Variants in STYXL2 observed in about 807,000 individuals in gnomAD.
STYXL2 encodes the protein serine/threonine/tyrosine-interacting-like protein 2.
Under a neutral mutation model 52.4 loss-of-function variants are expected in STYXL2, and 44 were observed. That is an observed-to-expected ratio of 0.84 (90% CI 0.66 to 1.08). The LOEUF (loss-of-function observed/expected upper bound fraction) is 1.08. Among genes scored for constraint, STYXL2 ranks in the 50% least tolerant of loss-of-function variants. STYXL2 has a pLI of 0.00. For synonymous variants in STYXL2, 604 were observed against 586.9 expected, an observed-to-expected ratio of 1.03 and a Z score of -0.42; for missense variants, 1,604 against 1,471.7, an observed-to-expected ratio of 1.09 and a Z score of -1.47.
intron 1 of STYXL2, among the ~76,000 whole-genome samples, chr1:167,094,630 C>G (rs1466573081): frequency 6.6e-6 from 1 of 152,090 alleles, no homozygotes; most frequent in Non-Finnish European, 1.5e-5. Flanking sequence ...TCAAGGTGGG[C>G]TCCTAATATG....
At chr1:167,117,298 T>G (rs973440420) in intron 3 of STYXL2, 30 bp from the exon 4 acceptor site, 4 of 1,563,376 alleles carry the variant, frequency 2.6e-6, no homozygotes, top group Non-Finnish European at 3.5e-6. Flanking sequence ...TTCCTAACTC[T>G]CTGATGAGAA....
intron 5 of STYXL2, among the ~76,000 whole-genome samples, chr1:167,123,759 A>C (rs1445470432): frequency 1.3e-5 from 2 of 151,850 alleles, no homozygotes; most frequent in Non-Finnish European, 2.9e-5. Flanking sequence ...GAATAGCTGG[A>C]ATTACAGGTG....
At position 167,127,896 on chromosome 1, in the gene STYXL2, C is replaced by T. The variant is rs1357634602; in HGVS notation, c.2765C>T (p.Ala922Val). 3.7e-6 allele frequency: 6 copies of T among 1,613,950 alleles called. No homozygotes were observed. The highest frequency in any genetic ancestry group is 4.2e-6 in the Non-Finnish European group (5 of 1,180,026). Residue 922 changes from alanine (A) to valine (V), a missense_variant, in exon 6 of 6, where the codon GCA becomes GTA. Ala to Val is a moderately conservative substitution (Grantham distance 64, BLOSUM62 0). Transcript: ENST00000361200. The stretch of plus-strand genomic sequence containing the variant: ...TCCCTGGCTGTCTGTGATCACTATG[C>T]AAGTGGCAGCAGAGTTGGCAAAGAG... Reference protein sequence around the residue: ...CSSLAVCDHYASGSRVGKEMD... With the variant: ...CSSLAVCDHYVSGSRVGKEMD...
chr1:167,098,977 T>C (rs181680898), intron 2 of STYXL2, among the ~76,000 whole-genome samples: 3 of 152,262 alleles, frequency 2.0e-5, no homozygotes, highest in East Asian at 1.9e-4. Context: ...ATAAACTTCA[T>C]CACTCCATCA....
In STYXL2 at chr1:167,115,731, T is replaced by C. The variant is rs918474849; in HGVS notation, c.206-1597T>C. Among the ~76,000 whole-genome samples the C allele has an allele frequency of 4.6e-5, 7 of 152,136 alleles. No individual in the cohort carries two copies. In the East Asian group the frequency reaches 1.3e-3, roughly 29 times the overall value. On this transcript the variant is annotated intron_variant, in intron 3 of 5. Transcript: ENST00000361200. ...TGGGTAGTGGAGAAAATAGGAACAC[T>C]TCATCTATTTTTAAACAAAATAGAG...
chr1:167,126,642 CGGCA>C lies in STYXL2; in HGVS notation c.1513_1516del (p.Ala505ThrfsTer71). ...CACGCCAAGAGCAAGAGAGAGGAGG[CGGCA>C]GACAGGAGCTCAGAAGCAGGGAGCA... On this transcript the variant is annotated frameshift_variant, in exon 6 of 6. Coordinates refer to ENST00000361200, the MANE Select transcript of STYXL2 (RefSeq NM_001080426.3). LOFTEE classifies it low-confidence loss of function (END_TRUNC). The C allele has an allele frequency of 6.2e-7, 1 of 1,613,968 alleles. No individual in the cohort carries two copies. Among genetic ancestry groups the C allele is most frequent in the Admixed American group, 1.7e-5 (1 of 60,012 alleles).
intron 2 of STYXL2, among the ~76,000 whole-genome samples, chr1:167,101,918 T>A (rs1197676711): frequency 6.6e-6 from 1 of 151,886 alleles, no homozygotes; most frequent in Non-Finnish European, 1.5e-5. Flanking sequence ...GACGAGTGAA[T>A]GGATAAACAC....
Position 167,127,643 on chromosome 1 carries a change from C to T in STYXL2, c.2512C>T (p.Arg838Trp), listed in dbSNP as rs532909371. ...CAATGTGGACCTAAAGGAACTTGGC[C>T]GGAAGGAGAAGGAGATGCAGATGGA... Reference protein sequence around the residue: ...ADNVDLKELGRKEKEMQMELR... With the variant: ...ADNVDLKELGWKEKEMQMELR... The change falls in exon 6 of 6, where the codon CGG (arginine) becomes TGG (tryptophan). Residue 838 changes from arginine (R) to tryptophan (W), a missense_variant. Transcript: ENST00000361200. 12 of 1,613,920 alleles carry T rather than the reference C, an allele frequency of 7.4e-6. No homozygotes were observed. Among genetic ancestry groups the T allele is most frequent in the East Asian group, 4.5e-5 (2 of 44,878 alleles).
In STYXL2 at chr1:167,128,307, G is replaced by A. The variant is rs376876805; in HGVS notation, c.3176G>A (p.Arg1059His). The change falls in exon 6 of 6, where the codon CGC becomes CAC. Residue 1059 changes from arginine (R) to histidine (H), a missense_variant. Physicochemically the swap from Arg to His is conservative, Grantham distance 29. Coordinates refer to ENST00000361200, the MANE Select transcript of STYXL2 (RefSeq NM_001080426.3). ...AGGGAAGAGTCCCCAGAACCACAGC[G>A]CCCAAATTGGGCCAGGTCCAGGGAC... is the stretch of plus-strand genomic sequence containing the variant. ...SEREESPEPQ[R>H]PNWARSRDWE... 1.5e-5 allele frequency: 25 copies of A among 1,613,852 alleles called. No homozygotes were observed. Among genetic ancestry groups the A allele is most frequent in the East Asian group, 6.7e-5 (3 of 44,874 alleles).
intron 2 of STYXL2, among the ~76,000 whole-genome samples, chr1:167,111,297 T>G (rs1236998355): frequency 6.6e-6 from 1 of 151,390 alleles, no homozygotes; most frequent in East Asian, 1.9e-4. Context: ...TAAAAGTAGA[T>G]CTACCATTTG....
chr1:167,126,832 C>T lies in STYXL2; in HGVS notation c.1701C>T (p.Ser567=), dbSNP rs372727539. 3 of 1,614,170 alleles carry T rather than the reference C, an allele frequency of 1.9e-6. No homozygotes were observed. The highest frequency in any genetic ancestry group is 1.3e-5 in the African/African-American group (1 of 75,050). ...HKKDLGAGDS[S]GEPGAEEAVG... The stretch of plus-strand genomic sequence containing the variant: ...AAGACTTGGGAGCGGGAGACAGCAG[C>T]GGTGAGCCCGGTGCAGAGGAGGCAG... Residue 567 remains serine (S), a synonymous_variant, in exon 6 of 6, where the codon AGC becomes AGT. Coordinates refer to ENST00000361200, the MANE Select transcript of STYXL2 (RefSeq NM_001080426.3).
At position 167,128,148 on chromosome 1, in the gene STYXL2, G is replaced by T. The variant is rs777598843; in HGVS notation, c.3017G>T (p.Arg1006Leu). The T allele has an allele frequency of 9.3e-6, 15 of 1,614,162 alleles. No homozygotes were observed. In the South Asian group the frequency reaches 1.6e-4, roughly 18 times the overall value. The change falls in exon 6 of 6, where the codon CGG (arginine) becomes CTG (leucine). Residue 1006 changes from arginine (R) to leucine (L), a missense_variant. Transcript: ENST00000361200. ...ANGNSVRSTSRFSSSSTREGR... is the reference protein window; with the variant it reads ...ANGNSVRSTSLFSSSSTREGR... ...GGCAACTCTGTAAGAAGCACTTCAC[G>T]GTTCTCATCTTCCTCCACCAGGGAG...
chr1:167,125,400 G>C (rs1243484589), intron 5 of STYXL2, among the ~76,000 whole-genome samples: 1 of 152,182 alleles, frequency 6.6e-6, no homozygotes, highest in African/African-American at 2.4e-5. Flanking sequence ...TCAAGTTTAG[G>C]ATGTGACTTA....
At chr1:167,106,473 G>A (rs1479910746) in intron 2 of STYXL2, among the ~76,000 whole-genome samples, 2 of 152,162 alleles carry the variant, frequency 1.3e-5, no homozygotes, top group Non-Finnish European at 2.9e-5. Context: ...ACATGGATCT[G>A]TTTGGTTTGG....
rs570132255 is a variant in STYXL2 at position 167,128,803 on chromosome 1, A to G, written c.*195A>G. 2 of 838,234 alleles carry G rather than the reference A, an allele frequency of 2.4e-6. No homozygotes were observed. The highest frequency in any genetic ancestry group is 2.8e-5 in the East Asian group (1 of 35,722). The allele number at this position is 838,234 out of a possible 1,614,324, so 51.9% of individuals were successfully genotyped here. On this transcript the variant is annotated 3_prime_UTR_variant, in exon 6 of 6. Coordinates refer to ENST00000361200, the MANE Select transcript of STYXL2 (RefSeq NM_001080426.3). ...GAGGCAAGGAGGGGGAGAACCATCA[A>G]TACGAATACGAGGTCCGAATGCGGA...
Position 167,126,473 on chromosome 1 carries a change from A to G in STYXL2, c.1342A>G (p.Ile448Val). 6.2e-7 allele frequency: 1 copy of G among 1,602,012 alleles called. No homozygotes were observed. Among genetic ancestry groups the G allele is most frequent in the Non-Finnish European group, 8.5e-7 (1 of 1,174,478 alleles). Reference protein sequence around the residue: ...SAWESVSSHDIWVLKQQLELN... With the variant: ...SAWESVSSHDVWVLKQQLELN... ...CTGGGAGAGCGTGAGCAGCCACGAC[A>G]TCTGGGTCCTGAAGCAGCAGCTGGA... Residue 448 changes from isoleucine (I) to valine (V), a missense_variant, in exon 6 of 6, where the codon ATC becomes GTC. Transcript: ENST00000361200.
intron 2 of STYXL2, among the ~76,000 whole-genome samples, chr1:167,103,070 G>C (rs908504649): frequency 8.8e-5 from 13 of 147,496 alleles, no homozygotes; most frequent in Non-Finnish European, 3.1e-5. Flanking sequence ...TCTCTTGCTC[G>C]TTTCTGTTGG....
chr1:167,111,989 G>A (rs184844769), intron 2 of STYXL2, among the ~76,000 whole-genome samples: 3 of 152,216 alleles, frequency 2.0e-5, no homozygotes, highest in Admixed American at 1.3e-4. Flanking sequence ...GTGTCAGCCA[G>A]GCCATGGAGA....
intron 2 of STYXL2, among the ~76,000 whole-genome samples, chr1:167,107,193 G>A (rs1456618289): frequency 6.6e-6 from 1 of 152,052 alleles, no homozygotes; most frequent in Admixed American, 6.5e-5. Context: ...TTCTTATATG[G>A]CAGCTCAGGA....
Sources: allele counts gnomAD v4.1 joint callset (sites outside exome capture counted in the v4.1 genomes callset), GRCh38; gene constraint gnomAD v4.1.1; transcripts MANE v1.5; gene names NCBI Gene and HGNC (gene_info 2026-07-23, HGNC 2026-07-21).